NCAM1: variants seen among roughly 807,000 people sequenced by gnomAD.
The protein encoded by NCAM1 is antigen recognized by monoclonal antibody 5.1H11.
A neutral mutation model predicts 109.8 loss-of-function variants in NCAM1; 14 were observed. The observed-to-expected ratio is 0.13, with a 90% CI of 0.08 to 0.20. The LOEUF (loss-of-function observed/expected upper bound fraction) is 0.20, where lower values mean the gene tolerates loss of function less well. Among genes scored for constraint, NCAM1 ranks in the 10% least tolerant of loss-of-function variants. The pLI is 1.00. For synonymous variants in NCAM1, 418 were observed against 442.9 expected (o/e 0.94, Z 0.70); for missense variants, 774 against 1,109.9 (o/e 0.70, Z 4.30).
chr11:113,027,899 A>G (rs969866528), intron 1 of NCAM1, among the ~76,000 whole-genome samples: 1 of 152,190 alleles, frequency 6.6e-6, no homozygotes, highest in Non-Finnish European at 1.5e-5. Flanking sequence ...TGATTCATAT[A>G]GAATAGAAAG....
At chr11:113,258,413 G>A (rs782086863) in intron 16 of NCAM1, among the ~76,000 whole-genome samples, 1 of 152,174 alleles carries the variant, frequency 6.6e-6, no homozygotes, top group Non-Finnish European at 1.5e-5. Flanking sequence ...CCGTTGTAGA[G>A]ACCAGGTCAC....
intron 1 of NCAM1, among the ~76,000 whole-genome samples, chr11:113,117,156 G>A (rs1182320903): frequency 6.6e-6 from 1 of 151,730 alleles, no homozygotes; most frequent in Non-Finnish European, 1.5e-5. Context: ...ACTTTTTTTG[G>A]TATTTCATCT....
intron 1 of NCAM1, among the ~76,000 whole-genome samples, chr11:113,033,460 A>T: frequency 6.6e-6 from 1 of 152,194 alleles, no homozygotes; most frequent in East Asian, 1.9e-4. Context: ...TAAGATGAAA[A>T]TATACAAGTT....
At chr11:113,055,065 G>A (rs1160613787) in intron 1 of NCAM1, among the ~76,000 whole-genome samples, 7 of 152,174 alleles carry the variant, frequency 4.6e-5, no homozygotes, top group African/African-American at 1.4e-4. Flanking sequence ...AAGATTGCTG[G>A]CGCATGAAGC....
chr11:113,090,798 A>G (rs77697843), intron 1 of NCAM1, among the ~76,000 whole-genome samples: 1 of 152,244 alleles, frequency 6.6e-6, no homozygotes, highest in Non-Finnish European at 1.5e-5. Context: ...ATAGTTTGAT[A>G]TCTATTTCAT....
In NCAM1 at chr11:113,261,099, A is replaced by G. The variant is rs534813156; in HGVS notation, c.2131+776A>G. On this transcript the variant is annotated intron_variant, in intron 17 of 19. Coordinates refer to ENST00000316851, the MANE Select transcript of NCAM1 (RefSeq NM_181351.5). ...CAGCCAAATGCCAACCCCAGGCAGGAGAGGTGGGCATAGAACATACAGCTG... is the reference window on the plus strand; with the variant it reads ...CAGCCAAATGCCAACCCCAGGCAGGGGAGGTGGGCATAGAACATACAGCTG... Among the ~76,000 whole-genome samples the G allele has an allele frequency of 2.4e-3, 364 of 152,296 alleles. 1 individual carries two copies. The highest frequency in any genetic ancestry group is 4.2e-3 in the Non-Finnish European group (287 of 68,026).
chr11:113,110,133 G>A (rs920393263), intron 1 of NCAM1, among the ~76,000 whole-genome samples: 6 of 152,062 alleles, frequency 3.9e-5, no homozygotes, highest in African/African-American at 1.2e-4. Context: ...TAATTCAGTT[G>A]CCATTTATTA....
intron 1 of NCAM1, among the ~76,000 whole-genome samples, chr11:112,994,985 A>T (rs540276940): frequency 5.3e-5 from 8 of 152,304 alleles, no homozygotes; most frequent in Admixed American, 1.3e-4. Context: ...TGAGGGACTC[A>T]GTTGATCACA....
chr11:113,269,093 C>T lies in NCAM1; in HGVS notation c.2132-1095C>T, dbSNP rs575436706. Among the ~76,000 whole-genome samples, 357 of 152,258 alleles carry T rather than the reference C, an allele frequency of 2.3e-3. 2 individuals are homozygous for T. The highest frequency in any genetic ancestry group is 3.6e-3 in the Non-Finnish European group (245 of 68,024). On this transcript the variant is annotated intron_variant, in intron 17 of 19. Transcript: ENST00000316851. ...CTTAATGGCAGAGCTCCACATGGGT[C>T]CTTGCTTCCTGCATCATGACCACTG...
At chr11:113,228,253 A>G (rs1200254774) in intron 9 of NCAM1, among the ~76,000 whole-genome samples, 1 of 152,222 alleles carries the variant, frequency 6.6e-6, no homozygotes, top group Non-Finnish European at 1.5e-5. Context: ...TACAAAATCA[A>G]TGTGCAAAAA....
Position 112,961,642 on chromosome 11 carries a change from T to C in NCAM1, c.30T>C (p.Thr10=). 6.7e-7 allele frequency: 1 copy of C among 1,500,200 alleles called. No homozygotes were observed. The highest frequency in any genetic ancestry group is 1.2e-5 in the South Asian group (1 of 86,508). 92.9% of individuals were successfully genotyped at this position (1,500,200 alleles called of 1,614,324 possible). A position where few individuals can be genotyped will look rare whatever the true frequency, so the allele number is the denominator to read the frequency against. The part of the protein sequence containing the change: MLQTKDLIW[T]LFFLGTAVSL... ...TGCAAACTAAGGATCTCATCTGGAC[T>C]TTGTTTTTCCTGGGAACTGCAGGTA... Residue 10 remains threonine (T), a synonymous_variant, in exon 1 of 20, where the codon ACT becomes ACC. Transcript: ENST00000316851.
chr11:112,997,485 G>A (rs1951626221), intron 1 of NCAM1, among the ~76,000 whole-genome samples: 2 of 152,056 alleles, frequency 1.3e-5, no homozygotes, highest in Non-Finnish European at 2.9e-5. Context: ...ACTGCTCTGG[G>A]GACAGTGTTC....
chr11:113,270,440 C>A, intron 18 of NCAM1, 45 bp downstream of exon 18: 1 of 1,577,054 alleles, frequency 6.3e-7, no homozygotes, highest in South Asian at 1.1e-5. Flanking sequence ...GGCTCTGCTC[C>A]AGCCCAGGGA....
intron 1 of NCAM1, among the ~76,000 whole-genome samples, chr11:113,189,563 A>G (rs1943614510): frequency 6.6e-6 from 1 of 152,020 alleles, no homozygotes; most frequent in Admixed American, 6.6e-5. Context: ...CTCATGGGTG[A>G]GCCTCGTTAC....
intron 7 of NCAM1, among the ~76,000 whole-genome samples, chr11:113,212,008 G>A (rs1297958652): frequency 1.3e-5 from 2 of 152,208 alleles, no homozygotes; most frequent in Non-Finnish European, 2.9e-5. Flanking sequence ...GGCAGGGGGT[G>A]TAGGAAGATG....
intron 1 of NCAM1, among the ~76,000 whole-genome samples, chr11:113,126,977 T>C (rs1206060742): frequency 6.6e-6 from 1 of 152,154 alleles, no homozygotes. Context: ...AGAGGATAAA[T>C]CCTCCCTCCT....
At chr11:113,104,926 T>C (rs1555092249) in intron 1 of NCAM1, among the ~76,000 whole-genome samples, 1 of 152,262 alleles carries the variant, frequency 6.6e-6, no homozygotes, top group Non-Finnish European at 1.5e-5. Context: ...CTGTGACTCT[T>C]TTATTAACTT....
chr11:112,987,974 G>T (rs572426246), intron 1 of NCAM1, among the ~76,000 whole-genome samples: 19 of 152,072 alleles, frequency 1.2e-4, no homozygotes, highest in African/African-American at 4.6e-4. Flanking sequence ...TACTTCTCTT[G>T]CTTTCTTCCT....
At chr11:113,065,747 C>G (rs889897163) in intron 1 of NCAM1, among the ~76,000 whole-genome samples, 15 of 152,180 alleles carry the variant, frequency 9.9e-5, no homozygotes, top group African/African-American at 3.6e-4. Flanking sequence ...GGAGATGTAA[C>G]AACAAATTAT....
Sources: gnomAD v4.1 joint callset for allele counts (sites outside exome capture counted in the v4.1 genomes callset) on GRCh38, gnomAD v4.1.1 for gene constraint, MANE v1.5 for transcripts, NCBI Gene and HGNC (gene_info 2026-07-23, HGNC 2026-07-21) for gene names.